KCNQ3: variants seen among roughly 807,000 people sequenced by gnomAD.
KCNQ3 encodes potassium voltage-gated channel subfamily KQT member 3.
Under a neutral mutation model 92.5 loss-of-function variants are expected in KCNQ3, and 30 were observed. The observed-to-expected ratio is 0.32, with a 90% CI of 0.24 to 0.44. The LOEUF (loss-of-function observed/expected upper bound fraction) is 0.44, where lower values mean the gene tolerates loss of function less well. Ranked by LOEUF, KCNQ3 falls within the 20% of genes least tolerant of loss-of-function variation. The pLI is 1.00. For missense variants in KCNQ3, 913 were observed against 1,140.3 expected (o/e 0.80, Z 2.87); for synonymous variants, 450 against 468.8 (o/e 0.96, Z 0.52).
At chr8:132,437,504 A>C (rs1177659672) in intron 1 of KCNQ3, among the ~76,000 whole-genome samples, 1 of 152,172 alleles carries the variant, frequency 6.6e-6, no homozygotes, top group Admixed American at 6.5e-5. Flanking sequence ...TATTTCTAAC[A>C]TTTAATGTAT....
rs1554659018 is a variant in KCNQ3 at position 132,456,464 on chromosome 8, G to GGGGT, written c.386+23682_386+23683insACCC. Among the ~76,000 whole-genome samples, 339 of 149,416 alleles carry GGGGT rather than the reference G, an allele frequency of 2.3e-3. 2 individuals carry two copies. Among genetic ancestry groups the GGGGT allele is most frequent in the African/African-American group, 6.9e-3 (280 of 40,808 alleles). ...CAAACACCAGGGCTCGGGGATTGAG[G>GGGGT]GTGTGTGTGTGTGTGTGTGTGCAGT... On this transcript the variant is annotated intron_variant, in intron 1 of 14. Coordinates refer to ENST00000388996, the MANE Select transcript of KCNQ3 (RefSeq NM_004519.4).
chr8:132,371,231 A>C (rs1449735583), intron 1 of KCNQ3, among the ~76,000 whole-genome samples: 1 of 152,162 alleles, frequency 6.6e-6, no homozygotes, highest in African/African-American at 2.4e-5. Context: ...CCTCAGTGGG[A>C]CATGGGGCAC....
chr8:132,388,966 G>A (rs1819976033), intron 1 of KCNQ3, among the ~76,000 whole-genome samples: 1 of 152,024 alleles, frequency 6.6e-6, no homozygotes, highest in African/African-American at 2.4e-5. Context: ...AAAACATTCT[G>A]GAAAAATTTG....
chr8:132,378,173 C>T (rs906710520), intron 1 of KCNQ3, among the ~76,000 whole-genome samples: 10 of 152,022 alleles, frequency 6.6e-5, no homozygotes, highest in African/African-American at 1.7e-4. Flanking sequence ...GTGGGTGGAT[C>T]GTTGGAGGTT....
At chr8:132,187,142 A>T in intron 1 of KCNQ3, 1 of 455,848 alleles carries the variant, frequency 2.2e-6, no homozygotes, top group South Asian at 1.5e-5. Flanking sequence ...GGTAGTACAT[A>T]CTCTAAGCTC....
At chr8:132,179,978 C>T (rs1826700196) in intron 4 of KCNQ3, among the ~76,000 whole-genome samples, 179 bp downstream of exon 4, 1 of 152,204 alleles carries the variant, frequency 6.6e-6, no homozygotes, top group South Asian at 2.1e-4. Context: ...CACACCTGCT[C>T]CTGCCCCTAC....
intron 1 of KCNQ3, among the ~76,000 whole-genome samples, chr8:132,273,173 C>G (rs1258996369): frequency 1.3e-5 from 2 of 152,188 alleles, no homozygotes; most frequent in Non-Finnish European, 2.9e-5. Flanking sequence ...CAGAGGTTAT[C>G]CATGAGGTTA....
intron 1 of KCNQ3, among the ~76,000 whole-genome samples, chr8:132,382,053 A>G (rs1428286941): frequency 6.6e-6 from 1 of 152,272 alleles, no homozygotes; most frequent in African/African-American, 2.4e-5. Context: ...ATGGCAAGCA[A>G]TGCAGGACTG....
chr8:132,144,641 G>A, intron 9 of KCNQ3, among the ~76,000 whole-genome samples: 1 of 152,144 alleles, frequency 6.6e-6, no homozygotes, highest in Non-Finnish European at 1.5e-5. Flanking sequence ...GGACAATATG[G>A]CTCTTGTCCT....
intron 1 of KCNQ3, among the ~76,000 whole-genome samples, chr8:132,397,980 C>T (rs1378798196): frequency 1.3e-5 from 2 of 152,158 alleles, no homozygotes; most frequent in Non-Finnish European, 2.9e-5. Context: ...TATTAACTCC[C>T]TGTGCAAAAG....
chr8:132,206,632 A>G (rs965281913), intron 1 of KCNQ3, among the ~76,000 whole-genome samples: 1 of 152,204 alleles, frequency 6.6e-6, no homozygotes, highest in African/African-American at 2.4e-5. Flanking sequence ...ATTTATTGGC[A>G]TATAGTTGCT....
chr8:132,416,625 C>T (rs1820815670), intron 1 of KCNQ3, among the ~76,000 whole-genome samples: 1 of 151,974 alleles, frequency 6.6e-6, no homozygotes, highest in Non-Finnish European at 1.5e-5. Flanking sequence ...CCATCTCAAA[C>T]AAACAAACAA....
At chr8:132,242,186 T>C (rs1815019251) in intron 1 of KCNQ3, among the ~76,000 whole-genome samples, 1 of 152,104 alleles carries the variant, frequency 6.6e-6, no homozygotes. Context: ...ACCTGTGAGG[T>C]GGTTAATGCA....
intron 1 of KCNQ3, among the ~76,000 whole-genome samples, chr8:132,388,601 T>C (rs918330035): frequency 6.6e-6 from 1 of 152,170 alleles, no homozygotes; most frequent in Non-Finnish European, 1.5e-5. Context: ...TAGATTTGTA[T>C]ATTACAAAAA....
chr8:132,131,280 A>G (rs1051036129), intron 14 of KCNQ3, among the ~76,000 whole-genome samples: 1 of 152,234 alleles, frequency 6.6e-6, no homozygotes, highest in African/African-American at 2.4e-5. Context: ...AAGGATTACT[A>G]TGATCCTTGA....
At chr8:132,346,983 G>A (rs58087658) in intron 1 of KCNQ3, among the ~76,000 whole-genome samples, 13,667 of 152,150 alleles carry the variant, frequency 0.09, 649 homozygotes, top group South Asian at 0.16. Context: ...TTGTTTCGAC[G>A]GCGTTGAATG....
At chr8:132,142,885 T>A (rs1212749153) in intron 9 of KCNQ3, among the ~76,000 whole-genome samples, 1 of 152,172 alleles carries the variant, frequency 6.6e-6, no homozygotes. Flanking sequence ...TGCCACACAG[T>A]CACCCTGTGC....
At chr8:132,154,160 C>T (rs955599434) in intron 9 of KCNQ3, among the ~76,000 whole-genome samples, 21 of 140,730 alleles carry the variant, frequency 1.5e-4, no homozygotes, top group Non-Finnish European at 3.0e-4. Flanking sequence ...GGAAGGGAAC[C>T]CAGAAGCCTG....
chr8:132,240,249 C>T lies in KCNQ3; in HGVS notation c.387-54068G>A, dbSNP rs556187997. Among the ~76,000 whole-genome samples, 10 of 146,946 alleles carry T rather than the reference C, an allele frequency of 6.8e-5. No homozygotes were observed. In the South Asian group the frequency reaches 8.6e-4, roughly 13 times the overall value. ...TTGCCCAGGTTGGAGTGCAATGGCA[C>T]GATCTCAGCTCACTGCAACCTCTGC... On this transcript the variant is annotated intron_variant, in intron 1 of 14. Coordinates refer to ENST00000388996, the MANE Select transcript of KCNQ3 (RefSeq NM_004519.4).
Sources: allele counts gnomAD v4.1 joint callset (sites outside exome capture counted in the v4.1 genomes callset), GRCh38; gene constraint gnomAD v4.1.1; transcripts MANE v1.5; gene names NCBI Gene and HGNC (gene_info 2026-07-23, HGNC 2026-07-21).